Variants in CCDC3 observed in about 807,000 individuals in gnomAD.
CCDC3 encodes coiled-coil domain containing 3.
Under a neutral mutation model 21.4 loss-of-function variants are expected in CCDC3, and 24 were observed. The ratio of observed to expected loss-of-function variants is 1.12; its 90% confidence interval spans 0.81 to 1.58. CCDC3 has a LOEUF of 1.58. Among genes scored for constraint, CCDC3 ranks in the 40% most tolerant of loss-of-function variants. The probability of loss-of-function intolerance (pLI) is 0.00; values close to 1 mark genes in which losing one functional copy is unlikely to be tolerated. For synonymous variants in CCDC3, 186 were observed against 166.0 expected (o/e 1.12, Z -0.93); for missense variants, 425 against 360.9 (o/e 1.18, Z -1.44).
chr10:12,973,314 A>T (rs1226629741), intron 2 of CCDC3, among the ~76,000 whole-genome samples: 1 of 152,100 alleles, frequency 6.6e-6, no homozygotes, highest in Non-Finnish European at 1.5e-5. Flanking sequence ...CCTGGGCCCG[A>T]GGACAGCGGC....
At chr10:13,077,679 C>T (rs1042507160) in intron 3 of CCDC3, among the ~76,000 whole-genome samples, 2 of 152,120 alleles carry the variant, frequency 1.3e-5, no homozygotes, top group Admixed American at 6.6e-5. Flanking sequence ...CAATGGAACA[C>T]AACAGAGCCC....
chr10:13,027,660 G>A (rs1238754352), intron 5 of CCDC3, among the ~76,000 whole-genome samples: 2 of 150,252 alleles, frequency 1.3e-5, no homozygotes, highest in African/African-American at 4.9e-5. Context: ...GCAGTGAGAT[G>A]TGATCACACC....
intron 2 of CCDC3, among the ~76,000 whole-genome samples, chr10:12,981,012 G>A (rs879374575): frequency 6.6e-6 from 1 of 152,104 alleles, no homozygotes; most frequent in East Asian, 1.9e-4. Context: ...CTCTTTGGGG[G>A]AGAGGAGACC....
intron 2 of CCDC3, among the ~76,000 whole-genome samples, chr10:12,941,354 C>CTGCTCTGTCTATGGAGAAGCCATTCTTT (rs1834828564): frequency 6.6e-6 from 1 of 151,922 alleles, no homozygotes; most frequent in African/African-American, 2.4e-5. Context: ...GCTCCCAGGG[C>CTGCTCTGTCTATGGAGAAGCCATTCTTT]TGCTCTGTCT....
upstream of CCDC3, among the ~76,000 whole-genome samples, chr10:13,002,633 G>A (rs1835873766): frequency 6.6e-6 from 1 of 152,106 alleles, no homozygotes; most frequent in Non-Finnish European, 1.5e-5. Flanking sequence ...TCCCACCTCA[G>A]CCTCCCAAAG....
At chr10:12,968,384 A>G (rs1009378163) in intron 2 of CCDC3, among the ~76,000 whole-genome samples, 1 of 152,200 alleles carries the variant, frequency 6.6e-6, no homozygotes, top group Non-Finnish European at 1.5e-5. Context: ...AGAACACTGT[A>G]CCTAGCAAGG....
intron 1 of CCDC3, among the ~76,000 whole-genome samples, chr10:12,999,189 G>C (rs1835809762): frequency 6.6e-6 from 1 of 152,148 alleles, no homozygotes; most frequent in Non-Finnish European, 1.5e-5. Flanking sequence ...GCAGTGAGCA[G>C]AGATTGCACC....
In CCDC3 at chr10:13,001,361, C is replaced by A; in HGVS notation, c.210G>T (p.Gln70His). The part of the protein sequence containing the change: ...NHLPWQYHAG[Q>H]GGLFYSAEVE... Reference sequence around the variant, plus strand: ...CCTCGGCCGAGTAGAAGAGGCCCCCCTGGCCGGCGTGGTACTGCCAGGGCA... The same window carrying A: ...CCTCGGCCGAGTAGAAGAGGCCCCCATGGCCGGCGTGGTACTGCCAGGGCA... The change falls in exon 1 of 3, where the codon CAG becomes CAT. Residue 70 changes from glutamine to histidine, a missense_variant. Gln to His is a conservative substitution (Grantham distance 24). Transcript: ENST00000378825. 1.3e-6 allele frequency: 2 copies of A among 1,597,064 alleles called. No individual in the cohort carries two copies. Among genetic ancestry groups the A allele is most frequent in the South Asian group, 1.1e-5 (1 of 87,648 alleles).
chr10:13,023,311 G>A (rs1352429247), intron 5 of CCDC3, among the ~76,000 whole-genome samples: 2 of 151,930 alleles, frequency 1.3e-5, no homozygotes, highest in Non-Finnish European at 2.9e-5. Context: ...AGTTTTTTCT[G>A]TTTCACTTGT....
At chr10:13,074,257 A>T (rs1025906877) in intron 3 of CCDC3, among the ~76,000 whole-genome samples, 1 of 146,582 alleles carries the variant, frequency 6.8e-6, no homozygotes, top group African/African-American at 2.5e-5. Context: ...TCCCAGGTTC[A>T]AGCAATTCTC....
At chr10:13,010,953 G>C (rs1835976975) in intron 5 of CCDC3, among the ~76,000 whole-genome samples, 1 of 152,132 alleles carries the variant, frequency 6.6e-6, no homozygotes. Flanking sequence ...AGGCCGAGGT[G>C]GGTGGATCAT....
At position 13,041,504 on chromosome 10, in the gene CCDC3, ATTTTTTTTTTTTTTTTTTTTTTTT is replaced by A. The variant is rs71477255; in HGVS notation, c.-2+8146_-2+8169del. ...GTTCACTCCAAGTGTCTGGCAGATAATTTTTTTTTTTTTTTTTTTTTTTTTTTTTTTTTTTTTTTGAGCCAGAGT... is the reference window on the plus strand; with the variant it reads ...GTTCACTCCAAGTGTCTGGCAGATAATTTTTTTTTTTTTTTGAGCCAGAGT... On this transcript the variant is annotated intron_variant, in intron 5 of 6. Coordinates refer to the CCDC3 transcript ENST00000378839. Among the ~76,000 whole-genome samples, 9 of 62,112 alleles carry A rather than the reference ATTTTTTTTTTTTTTTTTTTTTTTT, an allele frequency of 1.4e-4. No individual in the cohort carries two copies. In the South Asian group the frequency reaches 1.9e-3, roughly 13 times the overall value. The allele number at this position is 62,112 out of a possible 152,430, so 40.7% of individuals were successfully genotyped here.
At chr10:12,908,576 G>C (rs545366426) in intron 2 of CCDC3, among the ~76,000 whole-genome samples, 61 of 151,186 alleles carry the variant, frequency 4.0e-4, no homozygotes, top group African/African-American at 1.5e-3. Context: ...GAAGGGTGCT[G>C]AAATCACAGA....
At chr10:12,976,846 G>T (rs1490645605) in intron 2 of CCDC3, among the ~76,000 whole-genome samples, 1 of 152,068 alleles carries the variant, frequency 6.6e-6, no homozygotes, top group African/African-American at 2.4e-5. Context: ...CCTAAACTAT[G>T]AAGTCTGGGT....
rs74894031 is a variant in CCDC3 at position 12,922,673 on chromosome 10, C to T, written c.550-23994G>A. 1.1e-4 allele frequency among the ~76,000 whole-genome samples: 17 copies of T among 152,230 alleles called. No individual in the cohort carries two copies. In the East Asian group the frequency reaches 1.7e-3, roughly 16 times the overall value. ...CTCTTCCCCCTCCCGGACCCCTTCCCGCGCCGCAGGAACCCAGGATGTTTA... is the reference window on the plus strand; with the variant it reads ...CTCTTCCCCCTCCCGGACCCCTTCCTGCGCCGCAGGAACCCAGGATGTTTA... On this transcript the variant is annotated intron_variant, in intron 2 of 2. Coordinates refer to ENST00000378825, the MANE Select transcript of CCDC3 (RefSeq NM_031455.4).
intron 2 of CCDC3, among the ~76,000 whole-genome samples, chr10:12,959,678 C>A (rs1425092046): frequency 1.3e-5 from 2 of 152,132 alleles, no homozygotes; most frequent in African/African-American, 4.8e-5. Flanking sequence ...ACCATTCCCT[C>A]CAAACTCCTT....
At position 12,998,306 on chromosome 10, in the gene CCDC3, T is replaced by C. The variant is rs770947460; in HGVS notation, c.549+32A>G. ...CACAAGGTGTAGCTATACTATTGTT[T>C]TGCTGTGGCACAGGATTTAGCCAAT... On this transcript the variant is annotated intron_variant, in intron 2 of 2. Coordinates refer to ENST00000378825, the MANE Select transcript of CCDC3 (RefSeq NM_031455.4). 2.9e-5 allele frequency: 47 copies of C among 1,603,762 alleles called. 1 individual carries two copies. In the Admixed American group the frequency reaches 8.0e-4, roughly 27 times the overall value.
chr10:12,992,920 G>A (rs1023462424), intron 2 of CCDC3, among the ~76,000 whole-genome samples: 4 of 152,180 alleles, frequency 2.6e-5, no homozygotes, highest in South Asian at 2.1e-4. Flanking sequence ...GAGACCCCAC[G>A]TGAGTGTGTT....
At chr10:13,074,100 A>G (rs1836920208) in exon 4 of CCDC3, 1 of 148,892 alleles carries the variant, frequency 6.7e-6, no homozygotes, top group Non-Finnish European at 1.5e-5. Flanking sequence ...GTCACCTGTT[A>G]CTAGGATTGC....
Sources: gnomAD v4.1 joint callset for allele counts (sites outside exome capture counted in the v4.1 genomes callset) on GRCh38, gnomAD v4.1.1 for gene constraint, MANE v1.5 for transcripts, NCBI Gene and HGNC (gene_info 2026-07-23, HGNC 2026-07-21) for gene names.